GPATCH2: variants seen among roughly 807,000 people sequenced by gnomAD.
GPATCH2 encodes the protein G-patch domain containing 2, also known as G patch domain-containing protein 2.
GPATCH2 carries 51 observed loss-of-function variants against 58.0 expected under a neutral mutation model. That is an observed-to-expected ratio of 0.88 (90% CI 0.70 to 1.11). The LOEUF (loss-of-function observed/expected upper bound fraction) is 1.11. Ranked by LOEUF, GPATCH2 falls within the 50% of genes most tolerant of loss-of-function variation. GPATCH2 has a pLI of 0.00. For missense variants in GPATCH2, 625 were observed against 652.2 expected (o/e 0.96, Z 0.45); for synonymous variants, 222 against 218.5 (o/e 1.02, Z -0.14).
At chr1:217,544,695 G>A (rs1664942973) in intron 5 of GPATCH2, among the ~76,000 whole-genome samples, 3 of 152,166 alleles carry the variant, frequency 2.0e-5, no homozygotes, top group Non-Finnish European at 4.4e-5. Context: ...TCGCTCTTCG[G>A]TTCTTCACAT....
intron 8 of GPATCH2, among the ~76,000 whole-genome samples, chr1:217,479,606 A>G (rs2102515116): frequency 6.6e-6 from 1 of 152,244 alleles, no homozygotes; most frequent in East Asian, 1.9e-4. Context: ...AAAGAAGAGA[A>G]GACCACAAAA....
chr1:217,557,992 C>T (rs1665728320), intron 5 of GPATCH2, among the ~76,000 whole-genome samples: 1 of 152,136 alleles, frequency 6.6e-6, no homozygotes. Flanking sequence ...GATTTTCAAA[C>T]CATTAATTTT....
chr1:217,465,164 A>G (rs1306103591), intron 8 of GPATCH2, among the ~76,000 whole-genome samples: 2 of 152,066 alleles, frequency 1.3e-5, no homozygotes, highest in African/African-American at 4.8e-5. Context: ...ATGGAGAACT[A>G]GAATATGAAA....
chr1:217,558,928 T>C (rs1665783882), intron 5 of GPATCH2, among the ~76,000 whole-genome samples: 1 of 152,208 alleles, frequency 6.6e-6, no homozygotes. Context: ...ACAAATCAAG[T>C]GGGTCTACCA....
intron 5 of GPATCH2, among the ~76,000 whole-genome samples, chr1:217,549,429 GA>G (rs984733663): frequency 4.1e-4 from 62 of 152,256 alleles, no homozygotes; most frequent in African/African-American, 1.4e-3. Context: ...AAATGCTCCA[GA>G]AACATTTAAG....
At chr1:217,534,031 C>G (rs1326849958) in intron 5 of GPATCH2, among the ~76,000 whole-genome samples, 2 of 152,078 alleles carry the variant, frequency 1.3e-5, no homozygotes, top group African/African-American at 2.4e-5. Flanking sequence ...GCCTGGCCAA[C>G]ATGATGAAAC....
intron 8 of GPATCH2, among the ~76,000 whole-genome samples, chr1:217,463,724 G>A (rs1660310413): frequency 6.7e-6 from 1 of 149,154 alleles, no homozygotes; most frequent in Admixed American, 6.7e-5. Flanking sequence ...AGAGGCTCAG[G>A]CACAAAGATA....
Position 217,630,988 on chromosome 1 carries a change from C to G in GPATCH2, c.-17G>C, listed in dbSNP as rs771465685. The G allele has an allele frequency of 6.3e-7, 1 of 1,580,290 alleles. No individual in the cohort carries two copies. Among genetic ancestry groups the G allele is most frequent in the Non-Finnish European group, 8.6e-7 (1 of 1,168,052 alleles). Reference sequence around the variant, plus strand: ...CCCGAACATTAACGACACCCGGGAGCCTGGCCTCGAAGCTCAGGCCCGTGA... The same window carrying G: ...CCCGAACATTAACGACACCCGGGAGGCTGGCCTCGAAGCTCAGGCCCGTGA... On this transcript the variant is annotated 5_prime_UTR_variant, in exon 1 of 10. Transcript: ENST00000366935.
At chr1:217,493,789 T>G (rs1661866936) in intron 7 of GPATCH2, among the ~76,000 whole-genome samples, 1 of 152,128 alleles carries the variant, frequency 6.6e-6, no homozygotes, top group Non-Finnish European at 1.5e-5. Flanking sequence ...CACAGATAGC[T>G]AGAAGTAAGA....
At chr1:217,568,398 A>T (rs1326123341) in intron 5 of GPATCH2, among the ~76,000 whole-genome samples, 1 of 152,202 alleles carries the variant, frequency 6.6e-6, no homozygotes, top group Non-Finnish European at 1.5e-5. Flanking sequence ...ATAGATAAGA[A>T]TCTCTGCTTT....
chr1:217,593,972 G>T (rs72747622), intron 5 of GPATCH2, among the ~76,000 whole-genome samples: 5,425 of 152,098 alleles, frequency 0.036, 131 homozygotes, highest in Middle Eastern at 0.082. Context: ...TTCAGGTAAT[G>T]AATCTTAAGG....
intron 5 of GPATCH2, among the ~76,000 whole-genome samples, chr1:217,583,570 C>CAAA (rs60392448): frequency 4.5e-4 from 29 of 65,124 alleles, no homozygotes; most frequent in South Asian, 1.2e-3. Context: ...GACTCTGTCT[C>CAAA]AAAAAAAAAA....
intron 1 of GPATCH2, among the ~76,000 whole-genome samples, chr1:217,628,840 T>G (rs1371951931): frequency 2.0e-5 from 3 of 152,026 alleles, no homozygotes; most frequent in Admixed American, 2.0e-4. Flanking sequence ...GGTTAACAAA[T>G]TTGGGCATCT....
intron 5 of GPATCH2, among the ~76,000 whole-genome samples, chr1:217,550,865 T>A (rs988044583): frequency 3.3e-5 from 5 of 150,746 alleles, no homozygotes; most frequent in African/African-American, 1.2e-4. Flanking sequence ...ATAATATAAT[T>A]ATTTAAATAC....
At chr1:217,506,288 C>T (rs1228209232) in intron 6 of GPATCH2, among the ~76,000 whole-genome samples, 1 of 152,080 alleles carries the variant, frequency 6.6e-6, no homozygotes, top group East Asian at 1.9e-4. Context: ...ATACAGTCTT[C>T]TATACCGACA....
At chr1:217,436,632 T>C (rs1658848118) in intron 9 of GPATCH2, among the ~76,000 whole-genome samples, 1 of 152,212 alleles carries the variant, frequency 6.6e-6, no homozygotes, top group South Asian at 2.1e-4. Context: ...GGACAATATA[T>C]CACAGACACA....
chr1:217,480,319 C>T (rs1661158251), intron 8 of GPATCH2, among the ~76,000 whole-genome samples: 1 of 151,910 alleles, frequency 6.6e-6, no homozygotes, highest in Non-Finnish European at 1.5e-5. Flanking sequence ...AATCTGATTA[C>T]AAAATGGGCA....
chr1:217,535,194 T>C (rs1275689633), intron 5 of GPATCH2, among the ~76,000 whole-genome samples: 1 of 152,164 alleles, frequency 6.6e-6, no homozygotes, highest in Non-Finnish European at 1.5e-5. Context: ...CCTGGTACTG[T>C]TGCTGGTTTT....
chr1:217,492,655 T>A, intron 7 of GPATCH2: 1 of 152,216 alleles, frequency 6.6e-6, no homozygotes, highest in East Asian at 1.9e-4. Context: ...TGTGTAACTT[T>A]AGGCAAAGTA....
Sources: allele counts gnomAD v4.1 joint callset (sites outside exome capture counted in the v4.1 genomes callset), GRCh38; gene constraint gnomAD v4.1.1; transcripts MANE v1.5; gene names NCBI Gene and HGNC (gene_info 2026-07-23, HGNC 2026-07-21).